EAPP: variants seen among roughly 807,000 people sequenced by gnomAD.
EAPP encodes E2F associated phosphoprotein.
In EAPP, 38 loss-of-function variants were observed where a neutral mutation model predicts 34.3. The ratio of observed to expected loss-of-function variants is 1.11; its 90% CI spans 0.85 to 1.45. EAPP has a LOEUF of 1.45. EAPP is among the 40% of genes most tolerant of loss of function. The pLI, the probability that EAPP is intolerant of heterozygous loss-of-function variation, is 0.00. For missense variants in EAPP, 338 were observed against 343.7 expected (o/e 0.98, Z 0.13); for synonymous variants, 113 against 117.6 (o/e 0.96, Z 0.25).
intron 5 of EAPP, among the ~76,000 whole-genome samples, chr14:34,520,051 A>G (rs1329964243): frequency 6.6e-6 from 1 of 151,292 alleles, no homozygotes; most frequent in Non-Finnish European, 1.5e-5. Context: ...ACTTCCGGCT[A>G]ATTTTTTATA....
chr14:34,519,019 C>T (rs1381158193), intron 5 of EAPP, among the ~76,000 whole-genome samples: 2 of 152,100 alleles, frequency 1.3e-5, no homozygotes, highest in Admixed American at 1.3e-4. Flanking sequence ...GTCTGTGTCC[C>T]TGCCCCAATC....
intron 4 of EAPP, among the ~76,000 whole-genome samples, chr14:34,525,307 C>T (rs752198233): frequency 7.9e-5 from 12 of 151,980 alleles, no homozygotes; most frequent in Non-Finnish European, 1.5e-4. Flanking sequence ...TATGGTAAGG[C>T]GGGGTAAAAG....
At chr14:34,535,960 T>C in intron 2 of EAPP, 134 bp downstream of exon 2, 1 of 620,708 alleles carries the variant, frequency 1.6e-6, no homozygotes, top group South Asian at 2.2e-5. Context: ...GACTGCCAAA[T>C]ACATTCACTC....
At chr14:34,529,497 T>C in intron 3 of EAPP, 22 bp from the exon 4 acceptor site, 2 of 1,493,530 alleles carry the variant, frequency 1.3e-6, no homozygotes, top group South Asian at 1.1e-5. Flanking sequence ...AATATTAGGA[T>C]ATGGCTAAGA....
intron 4 of EAPP, among the ~76,000 whole-genome samples, chr14:34,526,473 A>G (rs1880099240): frequency 6.6e-6 from 1 of 150,952 alleles, no homozygotes; most frequent in South Asian, 2.1e-4. Context: ...CTGGAATTAC[A>G]CCTGTAATCC....
intron 2 of EAPP, among the ~76,000 whole-genome samples, chr14:34,534,764 G>A (rs1253842880): frequency 5.9e-5 from 9 of 151,942 alleles, no homozygotes; most frequent in African/African-American, 2.2e-4. Flanking sequence ...CACTTTGGGA[G>A]GCCAATGCAG....
At position 34,539,561 on chromosome 14, in the gene EAPP, A is replaced by G; in HGVS notation, c.68T>C (p.Leu23Ser). ...VEEPSDEEPA[L>S]SSSEDEVDVL... is the part of the protein sequence containing the mutation. ...GGGTGGGGCGGGAGCCCACCTGCTC[A>G]AAGCCGGCTCCTCGTCGCTAGGCTC... The change falls in exon 1 of 6, where the codon TTG (leucine) becomes TCG (serine). Residue 23 changes from leucine (L) to serine (S), a missense_variant. By Grantham distance (145) the Leu-to-Ser change is moderately radical. Transcript: ENST00000250454. The G allele has an allele frequency of 3.1e-6, 5 of 1,605,026 alleles. No individual in the cohort carries two copies. Among genetic ancestry groups the G allele is most frequent in the Non-Finnish European group, 4.2e-6 (5 of 1,177,532 alleles).
intron 1 of EAPP, among the ~76,000 whole-genome samples, chr14:34,537,578 C>T (rs1023443762): frequency 6.6e-6 from 1 of 152,138 alleles, no homozygotes; most frequent in African/African-American, 2.4e-5. Context: ...GTGTTTGCAG[C>T]GAACAACAAC....
intron 5 of EAPP, among the ~76,000 whole-genome samples, chr14:34,519,046 T>C (rs1457360774): frequency 6.6e-6 from 1 of 152,098 alleles, no homozygotes; most frequent in African/African-American, 2.4e-5. Context: ...CAAATTGTAA[T>C]CTCCAATGTT....
intron 2 of EAPP, 159 bp downstream of exon 2, chr14:34,535,935 G>A (rs911680035): frequency 3.7e-6 from 2 of 542,688 alleles, no homozygotes; most frequent in Non-Finnish European, 6.3e-6. Context: ...ATGAGAAAAG[G>A]AAGACTCTAG....
In EAPP at chr14:34,516,061, C is replaced by G. The variant is rs902780131; in HGVS notation, c.*249G>C. 1 of 386,766 alleles carries G rather than the reference C, an allele frequency of 2.6e-6. No homozygotes were observed. The highest frequency in any genetic ancestry group is 2.1e-5 in the African/African-American group (1 of 48,352). The allele number at this position is 386,766 out of a possible 1,614,324, so 24.0% of individuals were successfully genotyped here. A position where few individuals can be genotyped will look rare whatever the true frequency, so the allele number is the denominator to read the frequency against. On this transcript the variant is annotated 3_prime_UTR_variant, in exon 6 of 6. Transcript: ENST00000250454. ...TTCTACAGAGCTTTAATAAAAAGCC[C>G]GACAGTTTCCAAATGTTCATCAAAA...
At chr14:34,527,364 G>A (rs960579399) in intron 4 of EAPP, among the ~76,000 whole-genome samples, 2 of 152,036 alleles carry the variant, frequency 1.3e-5, no homozygotes, top group Non-Finnish European at 2.9e-5. Flanking sequence ...TCAGAAGGCT[G>A]AGGTGGGAGG....
chr14:34,517,184 C>T (rs1378935873), intron 5 of EAPP, among the ~76,000 whole-genome samples: 2 of 151,470 alleles, frequency 1.3e-5, no homozygotes, highest in Middle Eastern at 3.5e-3. Flanking sequence ...GTGATCTGCC[C>T]GCCTCGGCCT....
At chr14:34,516,730 A>C in intron 5 of EAPP, 144 bp from the exon 6 acceptor site, 1 of 800,552 alleles carries the variant, frequency 1.2e-6, no homozygotes, top group Middle Eastern at 3.7e-4. Context: ...GTTTAAAGAA[A>C]TTTTAAACAG....
chr14:34,527,807 G>A (rs1405845448), intron 4 of EAPP, among the ~76,000 whole-genome samples: 1 of 152,088 alleles, frequency 6.6e-6, no homozygotes, highest in African/African-American at 2.4e-5. Flanking sequence ...GGGGCTGAGG[G>A]GAAGGGTAGG....
intron 3 of EAPP, among the ~76,000 whole-genome samples, chr14:34,532,976 C>A (rs1322512444): frequency 6.8e-6 from 1 of 147,246 alleles, no homozygotes; most frequent in African/African-American, 2.5e-5. Flanking sequence ...CATGCCCAGC[C>A]CCCAGTTTTT....
intron 5 of EAPP, among the ~76,000 whole-genome samples, chr14:34,521,675 C>T (rs150332527): frequency 2.7e-4 from 39 of 144,112 alleles, no homozygotes; most frequent in African/African-American, 8.7e-4. Flanking sequence ...CGCTCCATTG[C>T]GCAGGCTGGA....
chr14:34,531,378 G>A (rs1220537859), intron 3 of EAPP, among the ~76,000 whole-genome samples: 1 of 152,022 alleles, frequency 6.6e-6, no homozygotes, highest in Non-Finnish European at 1.5e-5. Context: ...TGAGGCGGGC[G>A]GATCACGAGG....
intron 5 of EAPP, among the ~76,000 whole-genome samples, 196 bp from the exon 6 acceptor site, chr14:34,516,782 C>T (rs1014962884): frequency 2.6e-5 from 4 of 152,164 alleles, no homozygotes; most frequent in African/African-American, 9.7e-5. Context: ...CAGCTCACTG[C>T]AGCCTTGAAC....
Sources: allele counts gnomAD v4.1 joint callset (sites outside exome capture counted in the v4.1 genomes callset), GRCh38; gene constraint gnomAD v4.1.1; transcripts MANE v1.5; gene names NCBI Gene and HGNC (gene_info 2026-07-23, HGNC 2026-07-21).